The following SMIM9 variants were observed in gnomAD, a reference collection of about 807,000 sequenced individuals.
SMIM9 encodes the protein small integral membrane protein 9.
Under a neutral mutation model 7.2 loss-of-function variants are expected in SMIM9, and 8 were observed. The observed-to-expected ratio is 1.10, with a 90% CI of 0.65 to 1.99. The LOEUF is 1.99. SMIM9 is among the 30% of genes most tolerant of loss of function. The pLI, the probability that SMIM9 is intolerant of heterozygous loss-of-function variation, is 0.00. For missense variants in SMIM9, 76 were observed against 69.3 expected (o/e 1.10, Z -0.34); for synonymous variants, 19 against 26.4 (o/e 0.72, Z 0.86).
intron 2 of SMIM9, among the ~76,000 whole-genome samples, chrX:154,832,055 A>T (rs1423776662): frequency 9.0e-6 from 1 of 111,505 alleles, no homozygotes; most frequent in Non-Finnish European, 1.9e-5. Context: ...TGTTTTGTTC[A>T]CTGCTAAACA....
intron 4 of SMIM9, among the ~76,000 whole-genome samples, chrX:154,824,249 C>T (rs781797519): frequency 8.5e-5 from 9 of 105,890 alleles, no homozygotes; most frequent in Non-Finnish European, 1.6e-4. Context: ...CCCAGCTACT[C>T]GGGAGGCTGA....
At chrX:154,830,316 C>G (rs1405292761) in intron 3 of SMIM9, among the ~76,000 whole-genome samples, 3 of 111,831 alleles carry the variant, frequency 2.7e-5, no homozygotes, top group Non-Finnish European at 5.6e-5. Flanking sequence ...CATGTTGGAA[C>G]CTAGATTGTG....
chrX:154,823,525 T>G lies in SMIM9; in HGVS notation c.*230A>C. On this transcript the variant is annotated 3_prime_UTR_variant, in exon 5 of 5. Coordinates refer to ENST00000369529, the MANE Select transcript of SMIM9 (RefSeq NM_001162936.4). ...TCTTTTCTCTGTATTTCTCAAATTT[T>G]TTTTGCAATAAATATGTATTACTAT... 3.3e-6 allele frequency: 1 copy of G among 298,762 alleles called. No homozygotes were observed. Among genetic ancestry groups the G allele is most frequent in the Non-Finnish European group, 5.8e-6 (1 of 171,027 alleles). 24.6% of individuals were successfully genotyped at this position (298,762 alleles called of 1,213,427 possible).
At position 154,823,796 on chromosome X, in the gene SMIM9, A is replaced by T; in HGVS notation, c.273-14T>A. The T allele has an allele frequency of 1.7e-6, 2 of 1,160,343 alleles. No individual in the cohort carries two copies. Among genetic ancestry groups the T allele is most frequent in the Non-Finnish European group, 2.3e-6 (2 of 869,641 alleles). Reference sequence around the variant, plus strand: ...ACTACAAGAATGCTGGGAAAGGAAGATAAAATGGTGAATGCTCTGCACAGA... The same window carrying T: ...ACTACAAGAATGCTGGGAAAGGAAGTTAAAATGGTGAATGCTCTGCACAGA... On this transcript the variant is annotated splice_polypyrimidine_tract_variant and intron_variant, in intron 4 of 4. Transcript: ENST00000369529.
At chrX:154,828,551 G>A (rs1557270350) in intron 4 of SMIM9, among the ~76,000 whole-genome samples, 1 of 111,358 alleles carries the variant, frequency 9.0e-6, no homozygotes, top group African/African-American at 3.3e-5. Flanking sequence ...TGGGACCTTC[G>A]AAGCTGGTGT....
intron 1 of SMIM9, among the ~76,000 whole-genome samples, chrX:154,834,337 G>A (rs183473321): frequency 8.9e-6 from 1 of 112,361 alleles, no homozygotes; most frequent in Non-Finnish European, 1.9e-5. Context: ...AGGATTTGGA[G>A]AAGCTAAAAG....
chrX:154,824,281 C>CG (rs1231819789), intron 4 of SMIM9, among the ~76,000 whole-genome samples: 55 of 94,396 alleles, frequency 5.8e-4, no homozygotes, highest in Middle Eastern at 8.1e-3. Context: ...GGCGTGAACC[C>CG]GGAGGCGGAG....
At chrX:154,831,547 A>T (rs961372901) in intron 2 of SMIM9, among the ~76,000 whole-genome samples, 7 of 109,653 alleles carry the variant, frequency 6.4e-5, no homozygotes, top group Non-Finnish European at 1.3e-4. Flanking sequence ...CACCACCTCC[A>T]CTGCTACCCA....
intron 1 of SMIM9, among the ~76,000 whole-genome samples, chrX:154,833,544 G>A (rs2072453381): frequency 1.8e-5 from 2 of 111,624 alleles, no homozygotes; most frequent in Non-Finnish European, 3.8e-5. Flanking sequence ...AGCCTGGCTT[G>A]AGCCTGGGAG....
intron 4 of SMIM9, among the ~76,000 whole-genome samples, chrX:154,824,044 A>C (rs1436745540): frequency 1.8e-5 from 2 of 111,765 alleles, no homozygotes; most frequent in African/African-American, 6.5e-5. Flanking sequence ...CTGATCAAAC[A>C]ATACAGCTCA....
chrX:154,823,673 A>G lies in SMIM9; in HGVS notation c.*82T>C. 1 of 879,680 alleles carries G rather than the reference A, an allele frequency of 1.1e-6. No homozygotes were observed. Among genetic ancestry groups the G allele is most frequent in the Non-Finnish European group, 1.6e-6 (1 of 640,794 alleles). The allele number at this position is 879,680 out of a possible 1,213,427, so 72.5% of individuals were successfully genotyped here. ...AATTTCAACTGATAGATACTTCCTC[A>G]TTTTAAGCAGATAGCAAATGCCCCA... On this transcript the variant is annotated 3_prime_UTR_variant, in exon 5 of 5. Coordinates refer to ENST00000369529, the MANE Select transcript of SMIM9 (RefSeq NM_001162936.4).
intron 4 of SMIM9, among the ~76,000 whole-genome samples, chrX:154,826,010 T>C (rs2072420245): frequency 9.1e-6 from 1 of 109,894 alleles, no homozygotes; most frequent in South Asian, 4.0e-4. Context: ...ACATGGCACA[T>C]GTATACATAT....
intron 1 of SMIM9, among the ~76,000 whole-genome samples, chrX:154,833,593 C>A (rs1483164606): frequency 9.0e-6 from 1 of 111,349 alleles, no homozygotes; most frequent in Non-Finnish European, 1.9e-5. Context: ...CCACTGCACT[C>A]CAGCCTGGGG....
chrX:154,831,094 A>T, intron 2 of SMIM9, 139 bp from the exon 3 acceptor site: 1 of 310,083 alleles, frequency 3.2e-6, no homozygotes, highest in Non-Finnish European at 5.6e-6. Flanking sequence ...CCCCTCCAAG[A>T]AAACAAAACA....
Position 154,826,488 on chromosome X carries a change from C to T in SMIM9, c.273-2706G>A, listed in dbSNP as rs1377698155. On this transcript the variant is annotated intron_variant, in intron 4 of 4. Coordinates refer to ENST00000369529, the MANE Select transcript of SMIM9 (RefSeq NM_001162936.4). Reference sequence around the variant, plus strand: ...CCTAGGCTGGTCTCAAACTCCTGGCCTTAAGCAATCCTCCTGCCTCAGCCT... The same window carrying T: ...CCTAGGCTGGTCTCAAACTCCTGGCTTTAAGCAATCCTCCTGCCTCAGCCT... Among the ~76,000 whole-genome samples, 4 of 111,916 alleles carry T rather than the reference C, an allele frequency of 3.6e-5. No homozygotes were observed. The East Asian group carries it at 8.4e-4, about 23-fold the overall frequency.
At chrX:154,825,530 G>A (rs1244758810) in intron 4 of SMIM9, among the ~76,000 whole-genome samples, 2 of 111,059 alleles carry the variant, frequency 1.8e-5, no homozygotes, top group African/African-American at 6.6e-5. Context: ...CAGGGATCTA[G>A]AACTAGAAAT....
Position 154,829,600 on chromosome X carries a change from T to A in SMIM9, c.207A>T (p.Leu69Phe). 2.6e-6 allele frequency: 3 copies of A among 1,167,398 alleles called. No homozygotes were observed. The highest frequency in any genetic ancestry group is 3.4e-6 in the Non-Finnish European group (3 of 872,730). Residue 69 changes from leucine to phenylalanine, a missense_variant, in exon 4 of 5, where the codon TTA becomes TTT. Coordinates refer to ENST00000369529, the MANE Select transcript of SMIM9 (RefSeq NM_001162936.4). ...DYLWQLIKSA[L>F]PPAAIVAFLL... ...GAAAAGCAACAATGGCTGCTGGAGG[T>A]AAGGCACTCTTGATAAGTTGCCATA...
At chrX:154,828,532 A>G (rs2072431042) in intron 4 of SMIM9, among the ~76,000 whole-genome samples, 2 of 111,611 alleles carry the variant, frequency 1.8e-5, no homozygotes, top group Non-Finnish European at 1.9e-5. Flanking sequence ...CTGCATCTGA[A>G]GCAAATGTTG....
At chrX:154,833,625 AGAT>A (rs1351514586) in intron 1 of SMIM9, among the ~76,000 whole-genome samples, 1 of 110,421 alleles carries the variant, frequency 9.1e-6, no homozygotes, top group Non-Finnish European at 1.9e-5. Context: ...CTTAAAACCT[AGAT>A]GATGGGTTGA....
Sources: allele counts gnomAD v4.1 joint callset (sites outside exome capture counted in the v4.1 genomes callset), GRCh38; gene constraint gnomAD v4.1.1; transcripts MANE v1.5; gene names NCBI Gene and HGNC (gene_info 2026-07-23, HGNC 2026-07-21).